DENND1B: variants seen among roughly 807,000 people sequenced by gnomAD.
DENND1B encodes the protein DENN domain containing 1B.
DENND1B carries 59 observed loss-of-function variants against 90.1 expected under a neutral mutation model. That is an observed-to-expected ratio of 0.65 (90% CI 0.53 to 0.81). DENND1B has a LOEUF of 0.81. DENND1B is among the 40% of genes least tolerant of loss of function. DENND1B has a pLI of 0.00. For missense variants in DENND1B, 862 were observed against 912.6 expected (o/e 0.94, Z 0.71); for synonymous variants, 337 against 324.6 (o/e 1.04, Z -0.41).
intron 3 of DENND1B, chr1:197,685,585 A>G (rs1050135916): frequency 2.6e-5 from 4 of 152,082 alleles, no homozygotes; most frequent in Non-Finnish European, 5.9e-5. Context: ...ATTACACAAG[A>G]TTTTTCTTCT....
In DENND1B at chr1:197,665,717, C is replaced by A. The variant is rs965640826; in HGVS notation, c.296+6320G>T. ...CATTTTAATTATGTCTATGCTTCAA[C>A]AAAAGCTCAAGAGACATTCATAAAT... On this transcript the variant is annotated intron_variant, in intron 5 of 22. Transcript: ENST00000620048. Among the ~76,000 whole-genome samples, 5 of 151,962 alleles carry A rather than the reference C, an allele frequency of 3.3e-5. No homozygotes were observed. In the South Asian group the frequency reaches 1.0e-3, roughly 31 times the overall value.
At chr1:197,714,782 T>G (rs562719544) in intron 3 of DENND1B, among the ~76,000 whole-genome samples, 1 of 152,256 alleles carries the variant, frequency 6.6e-6, no homozygotes, top group African/African-American at 2.4e-5. Flanking sequence ...TAAAATAAGT[T>G]GAAAGTTTAA....
intron 3 of DENND1B, among the ~76,000 whole-genome samples, chr1:197,691,907 A>G (rs1040321575): frequency 3.3e-5 from 5 of 151,956 alleles, no homozygotes; most frequent in African/African-American, 4.8e-5. Flanking sequence ...CATCAAAAAT[A>G]GTCAAACTCA....
intron 13 of DENND1B, among the ~76,000 whole-genome samples, chr1:197,598,699 C>T (rs916845021): frequency 7.2e-5 from 11 of 151,782 alleles, no homozygotes; most frequent in Admixed American, 2.0e-4. Context: ...TGGCTATTAT[C>T]ACATAATCCT....
intron 2 of DENND1B, among the ~76,000 whole-genome samples, chr1:197,724,807 A>G (rs954938608): frequency 6.6e-5 from 10 of 152,216 alleles, no homozygotes; most frequent in African/African-American, 2.2e-4. Context: ...TAAAAATATA[A>G]AAATATAATC....
intron 10 of DENND1B, among the ~76,000 whole-genome samples, chr1:197,625,745 T>C (rs968341998): frequency 3.9e-5 from 6 of 152,058 alleles, no homozygotes; most frequent in Non-Finnish European, 7.4e-5. Flanking sequence ...TCAAGACCCA[T>C]CAGTGTGCTG....
At chr1:197,735,166 C>T (rs1662524403) in intron 2 of DENND1B, 2 of 991,734 alleles carry the variant, frequency 2.0e-6, no homozygotes, top group Non-Finnish European at 2.4e-6. Context: ...CAGAAAGGTA[C>T]AAAAAACAAT....
At chr1:197,535,372 T>C (rs1669800193) in intron 20 of DENND1B, among the ~76,000 whole-genome samples, 1 of 152,174 alleles carries the variant, frequency 6.6e-6, no homozygotes, top group Non-Finnish European at 1.5e-5. Context: ...TGCCTGAAAG[T>C]ACAGTTAGTA....
rs1037386723 is a variant in DENND1B at position 197,545,814 on chromosome 1, GGTTT to G, written c.1350+104_1350+107del. 2.3e-4 allele frequency: 218 copies of G among 956,366 alleles called. 1 individual carries two copies. The African/African-American group carries it at 3.5e-3, about 15-fold the overall frequency. The allele number at this position is 956,366 out of a possible 1,614,324, so 59.2% of individuals were successfully genotyped here. On this transcript the variant is annotated intron_variant, in intron 18 of 22. Transcript: ENST00000620048. Reference sequence around the variant, plus strand: ...CAATATTAATCCTAATTTTTTTTTAGGTTTATTTAAAAGAAAAATAGAAAATATT... The same window carrying G: ...CAATATTAATCCTAATTTTTTTTTAGATTTAAAAGAAAAATAGAAAATATT...
At chr1:197,729,701 AATGT>A (rs1452237790) in intron 2 of DENND1B, among the ~76,000 whole-genome samples, 1 of 152,150 alleles carries the variant, frequency 6.6e-6, no homozygotes, top group Non-Finnish European at 1.5e-5. Context: ...TAGCCCCCAT[AATGT>A]ACAGCACAGT....
intron 2 of DENND1B, chr1:197,734,452 T>C (rs1662446346): frequency 1.0e-6 from 1 of 984,038 alleles, no homozygotes; most frequent in Admixed American, 6.2e-5. Flanking sequence ...ACAACAAATA[T>C]TGAAAATTAA....
chr1:197,510,832 G>A lies in DENND1B; in HGVS notation c.1956C>T (p.Ser652=), dbSNP rs115238884. The A allele has an allele frequency of 1.6e-3, 2,573 of 1,612,090 alleles. 36 individuals are homozygous for A. In the African/African-American group the frequency reaches 0.03, roughly 19 times the overall value. Residue 652 remains serine, a synonymous_variant, in exon 23 of 23, where the codon TCC becomes TCT. Coordinates refer to ENST00000620048, the MANE Select transcript of DENND1B (RefSeq NM_001195215.2). ...HLPPSPRKRV[S]SSGLTDSLFI... The stretch of plus-strand genomic sequence containing the variant: ...ACAGAGAATCTGTCAAACCACTAGA[G>A]GAAACCCGCTTCCTAGGAGATGGAG...
Position 197,510,753 on chromosome 1 carries a change from C to A in DENND1B, c.2035G>T (p.Asp679Tyr). Reference sequence around the variant, plus strand: ...TGGAAATCCAGTCCTGAAGTAGGGTCACTCACATTGTCAGCACCGAGGTGC... The same window carrying A: ...TGGAAATCCAGTCCTGAAGTAGGGTAACTCACATTGTCAGCACCGAGGTGC... ...NKHLGADNVSDPTSGLDFQLT... is the reference protein window; with the variant it reads ...NKHLGADNVSYPTSGLDFQLT... The change falls in exon 23 of 23, where the codon GAC becomes TAC. Residue 679 changes from aspartate (D) to tyrosine (Y), a missense_variant. Physicochemically the swap from Asp to Tyr is radical, Grantham distance 160. Coordinates refer to ENST00000620048, the MANE Select transcript of DENND1B (RefSeq NM_001195215.2). 1 of 1,612,654 alleles carries A rather than the reference C, an allele frequency of 6.2e-7. No homozygotes were observed. The highest frequency in any genetic ancestry group is 1.1e-5 in the South Asian group (1 of 91,032).
chr1:197,625,747 A>G (rs1001093553), intron 10 of DENND1B, among the ~76,000 whole-genome samples: 15 of 152,254 alleles, frequency 9.9e-5, no homozygotes, highest in African/African-American at 2.9e-4. Context: ...AAGACCCATC[A>G]GTGTGCTGTA....
intron 15 of DENND1B, among the ~76,000 whole-genome samples, chr1:197,553,674 T>C (rs528061852): frequency 6.6e-6 from 1 of 152,290 alleles, no homozygotes; most frequent in African/African-American, 2.4e-5. Context: ...GTCTAACCTA[T>C]TATATTCTAA....
chr1:197,730,291 T>C lies in DENND1B; in HGVS notation c.83-15217A>G, dbSNP rs1662034594. On this transcript the variant is annotated intron_variant, in intron 2 of 22. Coordinates refer to ENST00000620048, the MANE Select transcript of DENND1B (RefSeq NM_001195215.2). ...AGGATATATAGGTAATAAAAATGAG[T>C]AGAGTGAGCCTACAAAAGACAGACT... 2.6e-5 allele frequency among the ~76,000 whole-genome samples: 4 copies of C among 151,708 alleles called. 1 individual carries two copies. The highest frequency in any genetic ancestry group is 1.3e-4 in the Admixed American group (2 of 15,230).
intron 3 of DENND1B, among the ~76,000 whole-genome samples, chr1:197,693,195 A>C (rs1273834728): frequency 6.6e-6 from 1 of 151,680 alleles, no homozygotes; most frequent in Non-Finnish European, 1.5e-5. Context: ...CAAATAGGCT[A>C]AGGATATAGC....
At chr1:197,735,654 G>A (rs1558460121) in intron 2 of DENND1B, 7 of 1,614,116 alleles carry the variant, frequency 4.3e-6, no homozygotes, top group Non-Finnish European at 5.1e-6. Context: ...CGAGCTATGC[G>A]GTTTCAGCCG....
chr1:197,702,331 A>G (rs1659117057), intron 3 of DENND1B, among the ~76,000 whole-genome samples: 1 of 152,188 alleles, frequency 6.6e-6, no homozygotes, highest in Admixed American at 6.5e-5. Context: ...CAGAGCAAGT[A>G]CACATTTTAT....
Sources: gnomAD v4.1 joint callset for allele counts (sites outside exome capture counted in the v4.1 genomes callset) on GRCh38, gnomAD v4.1.1 for gene constraint, MANE v1.5 for transcripts, NCBI Gene and HGNC (gene_info 2026-07-23, HGNC 2026-07-21) for gene names.